Variants in APEH observed in about 807,000 individuals in gnomAD.
APEH encodes acylamino-acid-releasing enzyme.
APEH carries 75 observed loss-of-function variants against 102.7 expected under a neutral mutation model. The observed-to-expected ratio is 0.73, with a 90% CI of 0.61 to 0.89. The LOEUF (loss-of-function observed/expected upper bound fraction) is 0.89. Among genes scored for constraint, APEH ranks in the 40% least tolerant of loss-of-function variants. The pLI, the probability that APEH is intolerant of heterozygous loss-of-function variation, is 0.00. For synonymous variants in APEH, 344 were observed against 362.7 expected, an observed-to-expected ratio of 0.95 and a Z score of 0.59; for missense variants, 863 against 941.2, an observed-to-expected ratio of 0.92 and a Z score of 1.09.
chr3:49,681,393 T>C (rs550679759), intron 15 of APEH, among the ~76,000 whole-genome samples, 154 bp downstream of exon 15: 2 of 152,310 alleles, frequency 1.3e-5, no homozygotes, highest in South Asian at 4.1e-4. Flanking sequence ...GCATGGGAAG[T>C]AGCATCTAGA....
rs1406479678 is a variant in APEH at position 49,680,534 on chromosome 3, T to C, written c.1211-7T>C. The C allele has an allele frequency of 6.2e-7, 1 of 1,613,800 alleles. No homozygotes were observed. Among genetic ancestry groups the C allele is most frequent in the East Asian group, 2.2e-5 (1 of 44,900 alleles). Reference sequence around the variant, plus strand: ...GCTAAGCACTTAATGGCATCTGCCTTTTCCAGGAGGGTCAGGTGGGAGCTG... The same window carrying C: ...GCTAAGCACTTAATGGCATCTGCCTCTTCCAGGAGGGTCAGGTGGGAGCTG... On this transcript the variant is annotated splice_polypyrimidine_tract_variant and splice_region_variant and intron_variant, in intron 13 of 21. Coordinates refer to ENST00000296456, the MANE Select transcript of APEH (RefSeq NM_001640.4).
chr3:49,683,006 C>T, intron 20 of APEH, 34 bp from the exon 21 acceptor site: 1 of 1,611,616 alleles, frequency 6.2e-7, no homozygotes, highest in South Asian at 1.1e-5. Context: ...GGGCCCAGCT[C>T]AACACAGCTC....
chr3:49,676,299 G>C, intron 6 of APEH, 79 bp from the exon 7 acceptor site: 1 of 1,611,750 alleles, frequency 6.2e-7, no homozygotes. Context: ...GTGCCTGTCA[G>C]ACCTGGGGAG....
Position 49,679,768 on chromosome 3 carries a change from C to A in APEH, c.1210+124C>A. The stretch of plus-strand genomic sequence containing the variant: ...ATTCTCAGCCACTCAGCACCACTGA[C>A]TGTTCCACAGCCTTTACTAACAGGT... On this transcript the variant is annotated intron_variant, in intron 13 of 21. Transcript: ENST00000296456. This position sits in a 1 kb window ranked among gnomAD's most constrained non-coding sequence, Gnocchi z 4.3. The A allele has an allele frequency of 1.0e-6, 1 of 1,003,914 alleles. No homozygotes were observed. The highest frequency in any genetic ancestry group is 1.5e-6 in the Non-Finnish European group (1 of 660,320). The allele number at this position is 1,003,914 out of a possible 1,614,324, so 62.2% of individuals were successfully genotyped here. A position where few individuals can be genotyped will look rare whatever the true frequency, so the allele number is the denominator to read the frequency against.
At chr3:49,680,690 G>A (rs1575476909) in intron 14 of APEH, 61 bp downstream of exon 14, 1 of 1,481,448 alleles carries the variant, frequency 6.8e-7, no homozygotes, top group African/African-American at 1.4e-5. Context: ...GAGCTCACCA[G>A]GTCAGGGAAT....
Position 49,681,786 on chromosome 3 carries a change from C to CA in APEH, c.1504dup (p.Met502AsnfsTer76). On this transcript the variant is annotated frameshift_variant, in exon 16 of 22. Transcript: ENST00000296456. LOFTEE classifies it high-confidence loss of function. ...GCCCTCCAGATAAGACCCAAGTGCC[C>CA]ATGGTGGTCATGCCCCACGGTAGGC... 6.2e-7 allele frequency: 1 copy of CA among 1,611,456 alleles called. No individual in the cohort carries two copies. Among genetic ancestry groups the CA allele is most frequent in the Non-Finnish European group, 8.5e-7 (1 of 1,178,262 alleles).
Position 49,683,913 on chromosome 3 carries a change from A to G in APEH, c.*571A>G. ...CGAGCCCTAGCAAGGAGTCACTGACACATTTCCTGGAAGCAAAGGCTAAGA... is the reference window on the plus strand; with the variant it reads ...CGAGCCCTAGCAAGGAGTCACTGACGCATTTCCTGGAAGCAAAGGCTAAGA... On this transcript the variant is annotated 3_prime_UTR_variant, in exon 22 of 22. Transcript: ENST00000296456. 1 of 1,483,104 alleles carries G rather than the reference A, an allele frequency of 6.7e-7. No individual in the cohort carries two copies. The highest frequency in any genetic ancestry group is 9.1e-7 in the Non-Finnish European group (1 of 1,104,036). The allele number at this position is 1,483,104 out of a possible 1,614,324, so 91.9% of individuals were successfully genotyped here.
In APEH at chr3:49,676,810, G is replaced by T; in HGVS notation, c.870G>T (p.Gly290=). The change falls in exon 9 of 22, where the codon GGG becomes GGT. Residue 290 remains glycine (G), a synonymous_variant. Coordinates refer to ENST00000296456, the MANE Select transcript of APEH (RefSeq NM_001640.4). ...TGTATTATGTGGACCTCATCGGGGG[G>T]AAGTGTGGTAAGTGGCTGATGCCCA... ...SALYYVDLIG[G]KCELLSDDSL... 7 of 1,614,270 alleles carry T rather than the reference G, an allele frequency of 4.3e-6. No individual in the cohort carries two copies. Among genetic ancestry groups the T allele is most frequent in the Non-Finnish European group, 5.9e-6 (7 of 1,180,046 alleles).
rs770205327 is a variant in APEH at position 49,681,067 on chromosome 3, A to G, written c.1300-34A>G. ...AGAAGGGAAGGGCAGGGAGGCAGCCAGGCCACCTATGACACATTCTTTCCC... is the reference window on the plus strand; with the variant it reads ...AGAAGGGAAGGGCAGGGAGGCAGCCGGGCCACCTATGACACATTCTTTCCC... On this transcript the variant is annotated intron_variant, in intron 14 of 21. Transcript: ENST00000296456. 6 of 1,533,894 alleles carry G rather than the reference A, an allele frequency of 3.9e-6. No individual in the cohort carries two copies. In the Admixed American group the frequency reaches 8.0e-5, roughly 20 times the overall value.
chr3:49,675,892 T>G lies in APEH; in HGVS notation c.368T>G (p.Val123Gly). Residue 123 changes from valine to glycine, a missense_variant and splice_region_variant, in exon 5 of 22, where the codon GTC (valine) becomes GGC (glycine). Physicochemically the swap from Val to Gly is moderately radical, Grantham distance 109. Coordinates refer to ENST00000296456, the MANE Select transcript of APEH (RefSeq NM_001640.4). Reference protein sequence around the residue: ...GPGEEKQFLEVWEKNRKLKSF... With the variant: ...GPGEEKQFLEGWEKNRKLKSF... Reference sequence around the variant, plus strand: ...AGCCTAATGCCCAGATGTCCTCAGGTCTGGGAGAAGAACCGGAAGCTCAAG... The same window carrying G: ...AGCCTAATGCCCAGATGTCCTCAGGGCTGGGAGAAGAACCGGAAGCTCAAG... 1 of 1,614,050 alleles carries G rather than the reference T, an allele frequency of 6.2e-7. No individual in the cohort carries two copies. Among genetic ancestry groups the G allele is most frequent in the Non-Finnish European group, 8.5e-7 (1 of 1,179,984 alleles).
At chr3:49,674,650 G>C in intron 2 of APEH, 29 bp downstream of exon 2, 1 of 1,583,014 alleles carries the variant, frequency 6.3e-7, no homozygotes, top group East Asian at 2.3e-5. Context: ...ACTGGCTGGC[G>C]ACGGGGTCGC....
At chr3:49,682,481 C>T in intron 18 of APEH, 45 bp downstream of exon 18, 5 of 1,612,362 alleles carry the variant, frequency 3.1e-6, no homozygotes, top group Non-Finnish European at 4.2e-6. Context: ...CATGGGCTGC[C>T]AGGGGGATGC....
Position 49,676,055 on chromosome 3 carries a change from G to C in APEH, c.443-1G>C. 1 of 1,614,208 alleles carries C rather than the reference G, an allele frequency of 6.2e-7. No individual in the cohort carries two copies. The highest frequency in any genetic ancestry group is 1.1e-5 in the South Asian group (1 of 91,082). On this transcript the variant is annotated splice_acceptor_variant, in intron 5 of 21. Coordinates refer to ENST00000296456, the MANE Select transcript of APEH (RefSeq NM_001640.4). LOFTEE classifies it high-confidence loss of function. ...CCCTGATTGGCCCTCCCTGCACCCA[G>C]ACTGCTTTGGCTGCCTGTCCTGGTC... is the stretch of plus-strand genomic sequence containing the variant.
Position 49,683,746 on chromosome 3 carries a change from A to C in APEH, c.*404A>C, listed in dbSNP as rs1421662010. 3.9e-6 allele frequency: 2 copies of C among 510,282 alleles called. No individual in the cohort carries two copies. The highest frequency in any genetic ancestry group is 3.5e-6 in the Non-Finnish European group (1 of 285,718). The allele number at this position is 510,282 out of a possible 1,614,324, so 31.6% of individuals were successfully genotyped here. ...ACTACTCTGTACCACCCTTCCCAAG[A>C]GTATGTCTGGAGGACTAGTGTGAGG... On this transcript the variant is annotated 3_prime_UTR_variant, in exon 22 of 22. Coordinates refer to ENST00000296456, the MANE Select transcript of APEH (RefSeq NM_001640.4).
intron 11 of APEH, 102 bp from the exon 12 acceptor site, chr3:49,678,750 G>C (rs932353008): frequency 3.1e-6 from 3 of 977,378 alleles, no homozygotes; most frequent in Admixed American, 1.8e-5. Flanking sequence ...ACTGGTGCCT[G>C]AGTAGGGCCC....
At chr3:49,682,500 A>T in intron 18 of APEH, 46 bp from the exon 19 acceptor site, 4 of 1,613,160 alleles carry the variant, frequency 2.5e-6, no homozygotes, top group Non-Finnish European at 3.4e-6. Flanking sequence ...GCCTCCATTC[A>T]GCTGAGCGGG....
Position 49,683,232 on chromosome 3 carries a change from T to C in APEH, c.2094-5T>C, listed in dbSNP as rs2053438908. On this transcript the variant is annotated splice_polypyrimidine_tract_variant and splice_region_variant and intron_variant, in intron 21 of 21. Coordinates refer to ENST00000296456, the MANE Select transcript of APEH (RefSeq NM_001640.4). ...ACCTTAAATGTTGCTGACTAATCCC[T>C]ACAGGCTCCTGCTCTATCCCAAAAG... 1 of 1,612,926 alleles carries C rather than the reference T, an allele frequency of 6.2e-7. No individual in the cohort carries two copies. Among genetic ancestry groups the C allele is most frequent in the Admixed American group, 1.7e-5 (1 of 60,006 alleles).
chr3:49,675,177 T>G lies in APEH; in HGVS notation c.146-6T>G, dbSNP rs1490709718. On this transcript the variant is annotated splice_polypyrimidine_tract_variant and splice_region_variant and intron_variant, in intron 2 of 21. Coordinates refer to ENST00000296456, the MANE Select transcript of APEH (RefSeq NM_001640.4). Reference sequence around the variant, plus strand: ...AAGGTGAGCAGTCTCATGCCTCCCCTCACAGAGTGGACCCAGAGGGACCTG... The same window carrying G: ...AAGGTGAGCAGTCTCATGCCTCCCCGCACAGAGTGGACCCAGAGGGACCTG... 6 of 1,613,702 alleles carry G rather than the reference T, an allele frequency of 3.7e-6. No individual in the cohort carries two copies. In the Admixed American group the frequency reaches 8.3e-5, roughly 22 times the overall value.
At position 49,683,151 on chromosome 3, in the gene APEH, G is replaced by A. The variant is rs1219104360; in HGVS notation, c.2093+5G>A. The A allele has an allele frequency of 6.2e-7, 1 of 1,613,846 alleles. No homozygotes were observed. Among genetic ancestry groups the A allele is most frequent in the African/African-American group, 1.3e-5 (1 of 75,046 alleles). On this transcript the variant is annotated splice_donor_5th_base_variant and intron_variant, in intron 21 of 21. Transcript: ENST00000296456. ...GACCCGGAATGTGCCTGTTCGGTGAGTGCAGCATGAAGGCCCTGGCAGCTG... is the reference window on the plus strand; with the variant it reads ...GACCCGGAATGTGCCTGTTCGGTGAATGCAGCATGAAGGCCCTGGCAGCTG...
Sources: gnomAD v4.1 joint callset for allele counts (sites outside exome capture counted in the v4.1 genomes callset) on GRCh38, gnomAD v4.1.1 for gene constraint, Gnocchi (gnomAD v3.1) non-coding constraint, MANE v1.5 for transcripts, NCBI Gene and HGNC (gene_info 2026-07-23, HGNC 2026-07-21) for gene names.